Variants in RBBP8 observed in about 807,000 individuals in gnomAD.
The protein encoded by RBBP8 is RB binding protein 8, endonuclease.
A neutral mutation model predicts 108.3 loss-of-function variants in RBBP8; 88 were observed. The ratio of observed to expected loss-of-function variants is 0.81; its 90% CI spans 0.68 to 0.97. The LOEUF (loss-of-function observed/expected upper bound fraction) is 0.97. RBBP8 is among the 50% of genes least tolerant of loss of function. The pLI, the probability that RBBP8 is intolerant of heterozygous loss-of-function variation, is 0.00. For missense variants in RBBP8, 1,023 were observed against 1,049.0 expected (o/e 0.98, Z 0.34); for synonymous variants, 332 against 348.2 (o/e 0.95, Z 0.52).
At chr18:22,934,341 T>A (rs998126667) in intron 1 of RBBP8, 15 of 152,256 alleles carry the variant, frequency 9.9e-5, no homozygotes, top group African/African-American at 3.4e-4. Flanking sequence ...TAAGGCACTG[T>A]ACATCACTTA....
At chr18:22,965,340 TGTA>T (rs892953484) in intron 4 of RBBP8, among the ~76,000 whole-genome samples, 39 of 152,318 alleles carry the variant, frequency 2.6e-4, no homozygotes, top group Middle Eastern at 3.4e-3. Flanking sequence ...TGGGTAGAGC[TGTA>T]GACTGTGAGC....
At chr18:22,982,049 T>C (rs1185939823) in intron 6 of RBBP8, among the ~76,000 whole-genome samples, 169 bp from the exon 7 acceptor site, 2 of 152,234 alleles carry the variant, frequency 1.3e-5, no homozygotes, top group African/African-American at 2.4e-5. Context: ...TATTTCCCAC[T>C]GGGTACTGTA....
At chr18:23,022,007 A>T in intron 17 of RBBP8, 122 bp from the exon 18 acceptor site, 1 of 784,100 alleles carries the variant, frequency 1.3e-6, no homozygotes, top group East Asian at 2.5e-5. Flanking sequence ...ATGAGGATTA[A>T]GTTTCCTTAG....
At chr18:22,915,155 A>AT (rs918613993) in intron 1 of RBBP8, among the ~76,000 whole-genome samples, 3 of 152,048 alleles carry the variant, frequency 2.0e-5, no homozygotes, top group Non-Finnish European at 2.9e-5. Context: ...CTGACATATG[A>AT]TTTTATCTGG....
intron 2 of RBBP8, among the ~76,000 whole-genome samples, chr18:22,941,154 G>A (rs964642847): frequency 1.3e-5 from 2 of 151,814 alleles, no homozygotes; most frequent in Non-Finnish European, 2.9e-5. Context: ...CAACTTTCTT[G>A]AAACTCTTGA....
intron 4 of RBBP8, among the ~76,000 whole-genome samples, chr18:22,963,751 A>G (rs1182429187): frequency 6.6e-6 from 1 of 152,196 alleles, no homozygotes; most frequent in African/African-American, 2.4e-5. Flanking sequence ...AGTTTATTTT[A>G]GAAAATCACA....
At chr18:23,002,266 G>T (rs1298472891) in intron 15 of RBBP8, among the ~76,000 whole-genome samples, 2 of 152,146 alleles carry the variant, frequency 1.3e-5, no homozygotes, top group Admixed American at 1.3e-4. Flanking sequence ...AAATTAGCTC[G>T]GCATGATGGC....
At chr18:23,022,076 A>G (rs750109811) in intron 17 of RBBP8, 53 bp from the exon 18 acceptor site, 9 of 1,407,772 alleles carry the variant, frequency 6.4e-6, no homozygotes, top group Non-Finnish European at 9.1e-6. Flanking sequence ...CAATAAGCAT[A>G]ACACTCCATT....
chr18:22,996,427 C>T lies in RBBP8; in HGVS notation c.1993C>T (p.Gln665Ter). ...TATAGATCCGGGAGCAGACCTTTCT[C>T]AGTATAAAATGGATGTTACTGTAAT... ...WSIDPGADLSQYKMDVTVIDT... is the reference protein window; with the variant it reads ...WSIDPGADLS Residue 665 changes from glutamine to a stop codon, truncating the protein, a stop_gained, in exon 13 of 19, where the codon CAG (glutamine) becomes TAG (stop). Coordinates refer to ENST00000327155, the MANE Select transcript of RBBP8 (RefSeq NM_002894.3). LOFTEE classifies it high-confidence loss of function. 1 of 1,613,606 alleles carries T rather than the reference C, an allele frequency of 6.2e-7. No individual in the cohort carries two copies. The highest frequency in any genetic ancestry group is 1.1e-5 in the South Asian group (1 of 91,068).
chr18:22,979,057 G>A (rs911010181), intron 6 of RBBP8, among the ~76,000 whole-genome samples: 17 of 152,098 alleles, frequency 1.1e-4, no homozygotes, highest in Non-Finnish European at 2.1e-4. Context: ...CACTTGAGGT[G>A]AGGAGTTTGA....
At chr18:23,021,811 A>T (rs1432890782) in intron 17 of RBBP8, among the ~76,000 whole-genome samples, 2 of 149,048 alleles carry the variant, frequency 1.3e-5, no homozygotes, top group Non-Finnish European at 3.0e-5. Flanking sequence ...CACTGTCAAG[A>T]TCAGCTGGCT....
chr18:22,995,926 A>G (rs571060487), intron 12 of RBBP8, among the ~76,000 whole-genome samples: 1 of 152,322 alleles, frequency 6.6e-6, no homozygotes, highest in South Asian at 2.1e-4. Flanking sequence ...TTGTTGGGCC[A>G]TATGCCAATT....
At chr18:22,974,473 T>A (rs1403987707) in intron 5 of RBBP8, among the ~76,000 whole-genome samples, 1 of 152,174 alleles carries the variant, frequency 6.6e-6, no homozygotes, top group Non-Finnish European at 1.5e-5. Flanking sequence ...TTTTGTTTTG[T>A]TTTGTTTTGT....
chr18:22,993,993 T>G (rs1358352973), intron 12 of RBBP8, 146 bp downstream of exon 12: 1 of 765,288 alleles, frequency 1.3e-6, no homozygotes, highest in Non-Finnish European at 2.1e-6. Flanking sequence ...ATTCTCACAT[T>G]TTACCGGTGA....
At chr18:22,950,730 C>T (rs189957819) in intron 4 of RBBP8, among the ~76,000 whole-genome samples, 8 of 152,186 alleles carry the variant, frequency 5.3e-5, no homozygotes, top group African/African-American at 7.2e-5. Context: ...AAACCAGCGT[C>T]GCAGTATAGC....
chr18:22,923,537 G>C (rs1242367815), intron 3 of RBBP8, among the ~76,000 whole-genome samples: 1 of 152,132 alleles, frequency 6.6e-6, no homozygotes, highest in East Asian at 1.9e-4. Flanking sequence ...ACCCCTTTGA[G>C]CACAGTGAGT....
At chr18:22,949,408 T>C (rs1404266205) in intron 3 of RBBP8, among the ~76,000 whole-genome samples, 1 of 152,162 alleles carries the variant, frequency 6.6e-6, no homozygotes, top group Admixed American at 6.5e-5. Context: ...GTTGAGTCAA[T>C]AGTGGCATGA....
At chr18:23,023,869 C>CTTT (rs10655759) in intron 18 of RBBP8, among the ~76,000 whole-genome samples, 15,424 of 86,026 alleles carry the variant, frequency 0.18, 2,553 homozygotes, top group African/African-American at 0.3. Flanking sequence ...ATGAAGGGGC[C>CTTT]TTTTTTTTTT....
chr18:22,983,646 A>T (rs1169558197), intron 7 of RBBP8, among the ~76,000 whole-genome samples: 1 of 48,960 alleles, frequency 2.0e-5, no homozygotes, highest in Non-Finnish European at 9.9e-5. Flanking sequence ...CTTCTGGTTT[A>T]TTTCTTCTTT....
Sources: gnomAD v4.1 joint callset for allele counts (sites outside exome capture counted in the v4.1 genomes callset) on GRCh38, gnomAD v4.1.1 for gene constraint, MANE v1.5 for transcripts, NCBI Gene and HGNC (gene_info 2026-07-23, HGNC 2026-07-21) for gene names.